TCAF1: variants seen among roughly 807,000 people sequenced by gnomAD.
TCAF1 encodes the protein TRPM8 channel-associated factor 1.
In TCAF1, 4 loss-of-function variants were observed where a neutral mutation model predicts 27.3. The ratio of observed to expected loss-of-function variants is 0.15; its 90% confidence interval spans 0.07 to 0.34. TCAF1 has a LOEUF of 0.34. TCAF1 is among the 10% of genes least tolerant of loss of function. TCAF1 has a pLI of 1.00. For synonymous variants in TCAF1, 105 were observed against 167.1 expected, an observed-to-expected ratio of 0.63 and a Z score of 2.87; for missense variants, 257 against 425.8, an observed-to-expected ratio of 0.60 and a Z score of 3.49.
Position 143,897,506 on chromosome 7 carries a change from T to C in TCAF1, c.-15+4455A>G, listed in dbSNP as rs964875929. On this transcript the variant is annotated intron_variant, in intron 1 of 8. Coordinates refer to ENST00000479870, the MANE Select transcript of TCAF1 (RefSeq NM_014719.3). ...CCACTCATTAGTAGGCTATTAGTAT[T>C]GAGTTTTGTAGGACTCAAATGTTAT... Among the ~76,000 whole-genome samples, 4 of 152,260 alleles carry C rather than the reference T, an allele frequency of 2.6e-5. No homozygotes were observed. In the East Asian group the frequency reaches 7.7e-4, roughly 29 times the overall value.
At chr7:143,860,709 GTC>G (rs1201065442) in intron 5 of TCAF1, among the ~76,000 whole-genome samples, 3 of 152,250 alleles carry the variant, frequency 2.0e-5, no homozygotes, top group Admixed American at 2.0e-4. Flanking sequence ...TATCCTGATG[GTC>G]TCCCTCCATC....
At chr7:143,877,647 C>G (rs565286856) in intron 1 of TCAF1, among the ~76,000 whole-genome samples, 1 of 152,332 alleles carries the variant, frequency 6.6e-6, no homozygotes, top group African/African-American at 2.4e-5. Context: ...TATAGTCTGA[C>G]CTCTGCTATG....
Position 143,876,590 on chromosome 7 carries a change from C to A in TCAF1, c.19G>T (p.Ala7Ser). The A allele has an allele frequency of 6.6e-7, 1 of 1,511,150 alleles. No homozygotes were observed. Among genetic ancestry groups the A allele is most frequent in the Non-Finnish European group, 8.8e-7 (1 of 1,132,778 alleles). The allele number at this position is 1,511,150 out of a possible 1,614,324, so 93.6% of individuals were successfully genotyped here. ...ACACCATTCATAAGGGCCTCGAAGG[C>A]AGCAGAGGGAGTCGCCATGGCTCTA... MATPSA[A>S]FEALMNGVTS... Residue 7 changes from alanine to serine, a missense_variant, in exon 2 of 9, where the codon GCC (alanine) becomes TCC (serine). By Grantham distance (99) the Ala-to-Ser change is moderately conservative. Transcript: ENST00000479870.
At chr7:143,879,803 T>C (rs572667891) in intron 1 of TCAF1, among the ~76,000 whole-genome samples, 1 of 152,164 alleles carries the variant, frequency 6.6e-6, no homozygotes, top group African/African-American at 2.4e-5. Context: ...GTACCCAGCA[T>C]AAGACCCTGT....
chr7:143,889,542 T>C (rs1813553950), intron 1 of TCAF1, among the ~76,000 whole-genome samples: 1 of 152,190 alleles, frequency 6.6e-6, no homozygotes, highest in Non-Finnish European at 1.5e-5. Context: ...TTCTGAAGCA[T>C]ATCCTCAAAG....
At chr7:143,871,591 A>C (rs1320438009) in intron 2 of TCAF1, among the ~76,000 whole-genome samples, 2 of 30,844 alleles carry the variant, frequency 6.5e-5, no homozygotes, top group Non-Finnish European at 1.5e-4. Context: ...ATGGGAGCAC[A>C]AAAGACTCAT....
Position 143,876,034 on chromosome 7 carries a change from A to T in TCAF1, c.575T>A (p.Phe192Tyr). ...YFTDNKGDTS[F>Y]FKVSKKMPKI... ...GGGCATCTTCTTGGAGACTTTAAAG[A>T]AACTCGTGTCCCCTTTGTTGTCAGT... The change falls in exon 2 of 9, where the codon TTC becomes TAC. Residue 192 changes from phenylalanine (F) to tyrosine (Y), a missense_variant. Transcript: ENST00000479870. 6.3e-7 allele frequency: 1 copy of T among 1,584,844 alleles called. No individual in the cohort carries two copies. Among genetic ancestry groups the T allele is most frequent in the Non-Finnish European group, 8.6e-7 (1 of 1,164,314 alleles).
At chr7:143,872,004 ATAAAT>A (rs943367959) in intron 2 of TCAF1, among the ~76,000 whole-genome samples, 6 of 75,214 alleles carry the variant, frequency 8.0e-5, no homozygotes, top group Non-Finnish European at 1.7e-4. Flanking sequence ...TGAAAACAAC[ATAAAT>A]TATTTTCTTG....
Position 143,875,222 on chromosome 7 carries a change from G to A in TCAF1, c.620+767C>T, listed in dbSNP as rs142891385. 1.6e-3 allele frequency among the ~76,000 whole-genome samples: 238 copies of A among 152,216 alleles called. 1 individual carries two copies. Among genetic ancestry groups the A allele is most frequent in the Middle Eastern group, 6.8e-3 (2 of 294 alleles). ...AGTTTTAATATACAACATAGAGAGT[G>A]GCCTAATGTACTTTTTCTGCTCCCG... is the stretch of plus-strand genomic sequence containing the variant. On this transcript the variant is annotated intron_variant, in intron 2 of 8. Transcript: ENST00000479870.
intron 1 of TCAF1, chr7:143,885,073 G>A (rs1046525732): frequency 2.0e-6 from 2 of 985,360 alleles, no homozygotes; most frequent in East Asian, 1.1e-4. Context: ...CCCCTCGGCC[G>A]CGCTCCCCAA....
At chr7:143,892,585 T>C (rs1813691851) in intron 1 of TCAF1, among the ~76,000 whole-genome samples, 1 of 150,194 alleles carries the variant, frequency 6.7e-6, no homozygotes, top group Non-Finnish European at 1.5e-5. Flanking sequence ...TAGATTGCAG[T>C]GGTGCGATCT....
intron 2 of TCAF1, among the ~76,000 whole-genome samples, chr7:143,875,272 CTCAT>C (rs1235673426): frequency 2.0e-5 from 3 of 152,168 alleles, no homozygotes; most frequent in African/African-American, 7.2e-5. Flanking sequence ...TATAATCCCT[CTCAT>C]TCATTCATGC....
chr7:143,885,366 C>G lies in TCAF1; in HGVS notation c.-14-8744G>C, dbSNP rs1183326814. The G allele has an allele frequency of 5.1e-6, 5 of 983,890 alleles. No homozygotes were observed. In the African/African-American group the frequency reaches 8.8e-5, roughly 17 times the overall value. 60.9% of individuals were successfully genotyped at this position (983,890 alleles called of 1,614,324 possible). The stretch of plus-strand genomic sequence containing the variant: ...GGGGGGAGGTGGGCTGCAGTGCAGA[C>G]GGTTGGGGGTTGGGGCGTCCCCGGG... On this transcript the variant is annotated intron_variant, in intron 1 of 8. Coordinates refer to ENST00000479870, the MANE Select transcript of TCAF1 (RefSeq NM_014719.3).
At chr7:143,883,115 A>C (rs1223047986) in intron 1 of TCAF1, among the ~76,000 whole-genome samples, 1 of 152,240 alleles carries the variant, frequency 6.6e-6, no homozygotes, top group Non-Finnish European at 1.5e-5. Context: ...AAGGCTGAGC[A>C]AATTGTGGGA....
chr7:143,888,538 G>C (rs1285881920), intron 1 of TCAF1, among the ~76,000 whole-genome samples: 1 of 152,102 alleles, frequency 6.6e-6, no homozygotes, highest in East Asian at 1.9e-4. Flanking sequence ...AAAGATGAAG[G>C]GGAAAAAGAT....
chr7:143,881,018 A>G (rs1291204374), intron 1 of TCAF1, among the ~76,000 whole-genome samples: 1 of 152,196 alleles, frequency 6.6e-6, no homozygotes, highest in Non-Finnish European at 1.5e-5. Flanking sequence ...CCAAAGCAGA[A>G]AGTATTGAAG....
At chr7:143,892,801 A>G in intron 1 of TCAF1, among the ~76,000 whole-genome samples, 1 of 152,212 alleles carries the variant, frequency 6.6e-6, no homozygotes, top group Non-Finnish European at 1.5e-5. Context: ...TTATAAGACG[A>G]GAACGAGACT....
rs1451396170 is a variant in TCAF1, at chr7:143,902,045, C to G, written c.-99G>C. 6.6e-6 allele frequency: 1 copy of G among 152,330 alleles called. No individual in the cohort carries two copies. Among genetic ancestry groups the G allele is most frequent in the Non-Finnish European group, 1.5e-5 (1 of 68,108 alleles). 9.4% of individuals were successfully genotyped at this position (152,330 alleles called of 1,614,324 possible). On this transcript the variant is annotated 5_prime_UTR_variant, in exon 1 of 9. Transcript: ENST00000479870. ...CACTCACTGTTTGCCCCGCTGTTCCCTGCAGCGCGGGTTCGGGGCAGTAGC... is the reference window on the plus strand; with the variant it reads ...CACTCACTGTTTGCCCCGCTGTTCCGTGCAGCGCGGGTTCGGGGCAGTAGC...
At chr7:143,890,434 T>G (rs1245911481) in intron 1 of TCAF1, among the ~76,000 whole-genome samples, 1 of 152,232 alleles carries the variant, frequency 6.6e-6, no homozygotes, top group Non-Finnish European at 1.5e-5. Flanking sequence ...GCAACATTTA[T>G]TTTTCAAAAA....
Sources: allele counts gnomAD v4.1 joint callset (sites outside exome capture counted in the v4.1 genomes callset), GRCh38; gene constraint gnomAD v4.1.1; transcripts MANE v1.5; gene names NCBI Gene and HGNC (gene_info 2026-07-23, HGNC 2026-07-21).